NTN1: variants seen among roughly 807,000 people sequenced by gnomAD.
NTN1 encodes the protein netrin 1.
A neutral mutation model predicts 54.2 loss-of-function variants in NTN1; 11 were observed. That is an observed-to-expected ratio of 0.20 (90% confidence interval 0.13 to 0.34). The LOEUF (loss-of-function observed/expected upper bound fraction) is 0.34. Ranked by LOEUF, NTN1 falls within the 10% of genes least tolerant of loss-of-function variation. NTN1 has a pLI of 1.00. For synonymous variants in NTN1, 371 were observed against 382.0 expected, an observed-to-expected ratio of 0.97 and a Z score of 0.33; for missense variants, 740 against 893.1, an observed-to-expected ratio of 0.83 and a Z score of 2.18.
In NTN1 at chr17:9,241,905, C is replaced by A. The variant is rs116437061; in HGVS notation, c.*1937C>A. ...CTGCACTCCAGCTCTGCAGCCTACC[C>A]GCCCAATCCCTGTGCAGGCTGGGAG... On this transcript the variant is annotated 3_prime_UTR_variant, in exon 7 of 7. Coordinates refer to ENST00000173229, the MANE Select transcript of NTN1 (RefSeq NM_004822.3). 1 of 152,292 alleles carries A rather than the reference C, an allele frequency of 6.6e-6. No individual in the cohort carries two copies. Among genetic ancestry groups the A allele is most frequent in the African/African-American group, 2.4e-5 (1 of 41,452 alleles). The allele number at this position is 152,292 out of a possible 1,614,324, so 9.4% of individuals were successfully genotyped here.
At chr17:9,161,448 A>C (rs921301966) in intron 2 of NTN1, among the ~76,000 whole-genome samples, 1 of 152,114 alleles carries the variant, frequency 6.6e-6, no homozygotes, top group African/African-American at 2.4e-5. Flanking sequence ...AGTGCTTTCG[A>C]CTTGATCCTG....
chr17:9,141,228 C>G (rs905757103), intron 2 of NTN1, among the ~76,000 whole-genome samples: 1 of 150,820 alleles, frequency 6.6e-6, no homozygotes, highest in African/African-American at 2.4e-5. Flanking sequence ...GGGAGATTAC[C>G]AAGGGAGATA....
chr17:9,233,773 C>G (rs934347764), intron 6 of NTN1, among the ~76,000 whole-genome samples: 1 of 152,024 alleles, frequency 6.6e-6, no homozygotes. Flanking sequence ...AGACCAGATG[C>G]TCACTCTGGT....
At position 9,219,877 on chromosome 17, in the gene NTN1, G is replaced by T. The variant is rs765950849; in HGVS notation, c.1412-1291G>T. On this transcript the variant is annotated intron_variant, in intron 5 of 6. Transcript: ENST00000173229. The surrounding 1 kb of genome is among the most constrained non-coding windows in gnomAD (Gnocchi z 4.5). The stretch of plus-strand genomic sequence containing the variant: ...TGTGTGTTGAATCTTTCCCCTCCTG[G>T]TCCTCTTTTCCTAATCCCTCACCAG... 1.9e-4 allele frequency among the ~76,000 whole-genome samples: 29 copies of T among 152,214 alleles called. No homozygotes were observed. The highest frequency in any genetic ancestry group is 3.7e-4 in the Non-Finnish European group (25 of 67,994).
At chr17:9,151,469 C>T (rs957462073) in intron 2 of NTN1, among the ~76,000 whole-genome samples, 5 of 152,166 alleles carry the variant, frequency 3.3e-5, no homozygotes, top group Non-Finnish European at 5.9e-5. Context: ...CACTGAGGTT[C>T]CAAAACACTT....
intron 6 of NTN1, among the ~76,000 whole-genome samples, chr17:9,237,017 C>T (rs1055846217): frequency 6.6e-5 from 10 of 152,318 alleles, no homozygotes; most frequent in African/African-American, 2.2e-4. Context: ...TCTCTAGCCT[C>T]TTCTCAGCAA....
chr17:9,178,978 A>G (rs1221905689), intron 3 of NTN1: 1 of 152,162 alleles, frequency 6.6e-6, no homozygotes, highest in Non-Finnish European at 1.5e-5. Flanking sequence ...GAAGCATGAC[A>G]GGGTGGGCAA....
At chr17:9,086,564 C>T (rs2092090641) in intron 2 of NTN1, among the ~76,000 whole-genome samples, 1 of 152,034 alleles carries the variant, frequency 6.6e-6, no homozygotes, top group Non-Finnish European at 1.5e-5. Flanking sequence ...GGAAGAGGTA[C>T]CAGAGCCACT....
chr17:9,064,033 A>G (rs947439022), intron 2 of NTN1, among the ~76,000 whole-genome samples: 11 of 151,960 alleles, frequency 7.2e-5, no homozygotes, highest in Admixed American at 2.6e-4. Flanking sequence ...TTTTTTTACT[A>G]TAGCTTCTTC....
In NTN1 at chr17:9,193,938, A is replaced by ACAAAAAAC. The variant is rs1555575002; in HGVS notation, c.1411+10969_1411+10970insCAAAAAAC. 2.4e-3 allele frequency among the ~76,000 whole-genome samples: 262 copies of ACAAAAAAC among 108,402 alleles called. 9 individuals are homozygous for ACAAAAAAC. Among genetic ancestry groups the ACAAAAAAC allele is most frequent in the South Asian group, 4.8e-3 (13 of 2,718 alleles). 71.1% of individuals were successfully genotyped at this position (108,402 alleles called of 152,430 possible). On this transcript the variant is annotated intron_variant, in intron 5 of 6. Transcript: ENST00000173229. ...CTCCGACTAAAAAAAAAAAAAAAAA[A>ACAAAAAAC]AAAAAACATTATGCAGGTTGGGCGC...
chr17:9,213,816 C>T (rs1322272250), intron 5 of NTN1, among the ~76,000 whole-genome samples: 5 of 152,182 alleles, frequency 3.3e-5, no homozygotes, highest in Non-Finnish European at 1.5e-5. Context: ...GACTATTTTT[C>T]TGTTCAGATT....
At chr17:9,085,161 C>G (rs1269080476) in intron 2 of NTN1, among the ~76,000 whole-genome samples, 1 of 152,216 alleles carries the variant, frequency 6.6e-6, no homozygotes, top group Admixed American at 6.5e-5. Context: ...CTTTCCCTCA[C>G]TTCGTGGCTG....
intron 2 of NTN1, among the ~76,000 whole-genome samples, chr17:9,031,787 A>G (rs913430492): frequency 6.6e-6 from 1 of 152,032 alleles, no homozygotes. Flanking sequence ...TCTACTAAAA[A>G]TACAAAAACA....
intron 2 of NTN1, among the ~76,000 whole-genome samples, chr17:9,130,724 C>T (rs1036573387): frequency 2.6e-5 from 4 of 152,158 alleles, no homozygotes; most frequent in African/African-American, 9.7e-5. Flanking sequence ...CAGGTCTGAA[C>T]CCCTCCAGTG....
chr17:9,098,686 C>T (rs1254178544), intron 2 of NTN1, among the ~76,000 whole-genome samples: 3 of 152,106 alleles, frequency 2.0e-5, no homozygotes, highest in African/African-American at 7.2e-5. Flanking sequence ...CCCCCAGTAG[C>T]TGGGGTGTGG....
chr17:9,229,513 G>A (rs1905734733), intron 6 of NTN1, among the ~76,000 whole-genome samples: 2 of 152,322 alleles, frequency 1.3e-5, no homozygotes, highest in East Asian at 3.9e-4. Flanking sequence ...TCCCACACCC[G>A]GGAGGCCAGG....
At chr17:9,231,603 G>A (rs118098636) in intron 6 of NTN1, among the ~76,000 whole-genome samples, 1,529 of 152,358 alleles carry the variant, frequency 0.01, 58 homozygotes, top group Admixed American at 0.072. Flanking sequence ...AGCCCGGCTT[G>A]CGGTGAGGGG....
At chr17:9,187,897 G>A (rs1442151965) in intron 5 of NTN1, among the ~76,000 whole-genome samples, 1 of 152,230 alleles carries the variant, frequency 6.6e-6, no homozygotes, top group East Asian at 1.9e-4. Context: ...ACATCATGCT[G>A]ATTGAAAGAA....
chr17:9,082,146 G>A (rs1193010951), intron 2 of NTN1, among the ~76,000 whole-genome samples: 1 of 152,160 alleles, frequency 6.6e-6, no homozygotes, highest in Non-Finnish European at 1.5e-5. Context: ...TGCAACCTCT[G>A]CCTCCTGGGT....
Sources: gnomAD v4.1 joint callset for allele counts (sites outside exome capture counted in the v4.1 genomes callset) on GRCh38, gnomAD v4.1.1 for gene constraint, Gnocchi (gnomAD v3.1) non-coding constraint, MANE v1.5 for transcripts, NCBI Gene and HGNC (gene_info 2026-07-23, HGNC 2026-07-21) for gene names.